Variants in PIK3C2G observed in about 807,000 individuals in gnomAD.
PIK3C2G encodes phosphatidylinositol 3-kinase C2 domain-containing subunit gamma.
In PIK3C2G, 168 loss-of-function variants were observed where a neutral mutation model predicts 181.1. That is an observed-to-expected ratio of 0.93 (90% confidence interval 0.82 to 1.05). PIK3C2G has a LOEUF of 1.05. PIK3C2G is among the 50% of genes least tolerant of loss of function. The probability of loss-of-function intolerance (pLI) is 0.00; values close to 1 mark genes in which losing one functional copy is unlikely to be tolerated. For synonymous variants in PIK3C2G, 573 were observed against 592.2 expected (o/e 0.97, Z 0.47); for missense variants, 1,869 against 1,732.8 (o/e 1.08, Z -1.40).
At position 18,292,210 on chromosome 12, in the gene PIK3C2G, C is replaced by CAAAAAAAAAA. The variant is rs745371375; in HGVS notation, c.919+1207_919+1216dup. Reference sequence around the variant, plus strand: ...GGGCAACAAGAGCAAAACTCCATCTCAAAAAAAAAAAAAAAAAATATATAT... The same window carrying CAAAAAAAAAA: ...GGGCAACAAGAGCAAAACTCCATCTCAAAAAAAAAAAAAAAAAAAAAAAAAAAATATATAT... On this transcript the variant is annotated intron_variant, in intron 4 of 32. Coordinates refer to ENST00000538779, the MANE Select transcript of PIK3C2G (RefSeq NM_001288772.2). Among the ~76,000 whole-genome samples the CAAAAAAAAAA allele has an allele frequency of 3.5e-3, 99 of 28,598 alleles. 3 individuals carry two copies. Among genetic ancestry groups the CAAAAAAAAAA allele is most frequent in the Non-Finnish European group, 4.6e-3 (72 of 15,594 alleles). The allele number at this position is 28,598 out of a possible 152,430, so 18.8% of individuals were successfully genotyped here. A position where few individuals can be genotyped will look rare whatever the true frequency, so the allele number is the denominator to read the frequency against.
intron 29 of PIK3C2G, among the ~76,000 whole-genome samples, chr12:18,585,857 C>A (rs1204112923): frequency 1.3e-5 from 2 of 152,116 alleles, no homozygotes; most frequent in Non-Finnish European, 2.9e-5. Context: ...TTTCTCAGAC[C>A]ACAGCAAAAT....
intron 18 of PIK3C2G, among the ~76,000 whole-genome samples, chr12:18,442,134 T>A (rs1946777334): frequency 6.6e-6 from 1 of 152,154 alleles, no homozygotes; most frequent in African/African-American, 2.4e-5. Flanking sequence ...GAATTTAATA[T>A]ACAATATGTT....
rs1471376834 is a variant in PIK3C2G at position 18,647,916 on chromosome 12, T to C, written c.4349T>C (p.Leu1450Ser). ...DEVTELQGHV[L>S]MLIVKSKTVF... ...GTCACAGAGCTCCAAGGACATGTCT[T>C]AATGCTTATTGTGAAGAGTAAAACT... is the stretch of plus-strand genomic sequence containing the variant. The change falls in exon 33 of 33, where the codon TTA becomes TCA. Residue 1450 changes from leucine to serine, a missense_variant. Physicochemically the swap from Leu to Ser is moderately radical, Grantham distance 145 (BLOSUM62 -2). Transcript: ENST00000538779. The C allele has an allele frequency of 1.3e-6, 2 of 1,595,992 alleles. No individual in the cohort carries two copies. Among genetic ancestry groups the C allele is most frequent in the Non-Finnish European group, 8.6e-7 (1 of 1,168,700 alleles).
intron 1 of PIK3C2G, among the ~76,000 whole-genome samples, chr12:18,273,969 AC>A (rs1413763173): frequency 6.6e-6 from 1 of 152,092 alleles, no homozygotes; most frequent in Non-Finnish European, 1.5e-5. Flanking sequence ...AAAAAAAACA[AC>A]CCCATCAAAA....
chr12:18,706,901 C>G, the PIK3C2G span, among the ~76,000 whole-genome samples: 229 of 152,330 alleles, frequency 1.5e-3, 1 homozygote, highest in African/African-American at 5.4e-3. Flanking sequence ...TTTCACTGGT[C>G]TCAAATCAAG....
intron 14 of PIK3C2G, among the ~76,000 whole-genome samples, chr12:18,382,354 GTC>G (rs1942897550): frequency 6.6e-6 from 1 of 151,904 alleles, no homozygotes; most frequent in African/African-American, 2.4e-5. Flanking sequence ...TTTTCTTAAA[GTC>G]TCTCTACTCT....
the PIK3C2G span, chr12:18,713,023 G>A: frequency 6.2e-7 from 1 of 1,611,426 alleles, no homozygotes; most frequent in Non-Finnish European, 8.5e-7. Flanking sequence ...GTTACTCCTG[G>A]ACCATTAAAA....
chr12:18,722,601 T>C, the PIK3C2G span, among the ~76,000 whole-genome samples: 4 of 152,078 alleles, frequency 2.6e-5, no homozygotes, highest in Non-Finnish European at 5.9e-5. Context: ...TGGTACCATA[T>C]ATGATTATTT....
At chr12:18,702,797 G>A in the PIK3C2G span, among the ~76,000 whole-genome samples, 1 of 148,580 alleles carries the variant, frequency 6.7e-6, no homozygotes, top group Non-Finnish European at 1.5e-5. Context: ...CACAAGGACT[G>A]AATATTGTAG....
the PIK3C2G span, among the ~76,000 whole-genome samples, chr12:18,667,815 C>T: frequency 1.3e-5 from 2 of 152,166 alleles, no homozygotes; most frequent in African/African-American, 4.8e-5. Context: ...TCTGGCTTGA[C>T]TTCAAACTCC....
At chr12:18,719,788 A>G in the PIK3C2G span, among the ~76,000 whole-genome samples, 1 of 152,170 alleles carries the variant, frequency 6.6e-6, no homozygotes, top group Non-Finnish European at 1.5e-5. Context: ...TTGTTTGGAA[A>G]CAAATTTTTG....
intron 28 of PIK3C2G, among the ~76,000 whole-genome samples, chr12:18,566,067 G>A (rs911108563): frequency 6.6e-6 from 1 of 152,068 alleles, no homozygotes; most frequent in Admixed American, 6.6e-5. Context: ...GTCTGCAAGA[G>A]ACTTAAAAAA....
At chr12:18,244,833 A>G (rs567323068), upstream of PIK3C2G, among the ~76,000 whole-genome samples, 1 of 152,224 alleles carries the variant, frequency 6.6e-6, no homozygotes, top group East Asian at 1.9e-4. Flanking sequence ...TAGATTATAC[A>G]TAATATTGGT....
At chr12:18,396,199 C>A in intron 15 of PIK3C2G, among the ~76,000 whole-genome samples, 1 of 151,134 alleles carries the variant, frequency 6.6e-6, no homozygotes, top group South Asian at 2.1e-4. Context: ...TATATATAAG[C>A]AATTAGATTA....
intron 31 of PIK3C2G, among the ~76,000 whole-genome samples, chr12:18,609,860 T>C (rs1948246257): frequency 6.6e-6 from 1 of 151,972 alleles, no homozygotes; most frequent in African/African-American, 2.4e-5. Context: ...TAAACTTTAT[T>C]CAAAATGTCA....
intron 31 of PIK3C2G, among the ~76,000 whole-genome samples, chr12:18,634,059 G>A (rs764790905): frequency 1.3e-5 from 2 of 152,128 alleles, no homozygotes; most frequent in Non-Finnish European, 2.9e-5. Flanking sequence ...GTAGAATCTT[G>A]CTGCAGCCTG....
At chr12:18,603,808 GACAA>G (rs1947862497) in intron 30 of PIK3C2G, among the ~76,000 whole-genome samples, 2 of 152,070 alleles carry the variant, frequency 1.3e-5, no homozygotes, top group African/African-American at 4.8e-5. Flanking sequence ...GTCTTTTTCA[GACAA>G]ACAAATGCTG....
the PIK3C2G span, among the ~76,000 whole-genome samples, chr12:18,674,742 T>C: frequency 1.3e-5 from 2 of 152,130 alleles, no homozygotes; most frequent in Non-Finnish European, 1.5e-5. Flanking sequence ...ACTAACACGA[T>C]AGAGTGAAAG....
chr12:18,431,500 C>T (rs1356717396), intron 18 of PIK3C2G, among the ~76,000 whole-genome samples: 1 of 152,208 alleles, frequency 6.6e-6, no homozygotes, highest in Non-Finnish European at 1.5e-5. Flanking sequence ...GTAAAAAAGT[C>T]TGTGTGCTCC....
Sources: allele counts gnomAD v4.1 joint callset (sites outside exome capture counted in the v4.1 genomes callset), GRCh38; gene constraint gnomAD v4.1.1; transcripts MANE v1.5; gene names NCBI Gene and HGNC (gene_info 2026-07-23, HGNC 2026-07-21).